PUM3: variants seen among roughly 807,000 people sequenced by gnomAD.
PUM3 encodes pumilio homolog 3.
Under a neutral mutation model 84.0 loss-of-function variants are expected in PUM3, and 91 were observed. That is an observed-to-expected ratio of 1.08 (90% CI 0.91 to 1.29). The LOEUF (loss-of-function observed/expected upper bound fraction) is 1.29. Among genes scored for constraint, PUM3 ranks in the 50% most tolerant of loss-of-function variants. PUM3 has a pLI of 0.00. For synonymous variants in PUM3, 321 were observed against 266.7 expected, an observed-to-expected ratio of 1.20 and a Z score of -1.98; for missense variants, 1,067 against 767.5, an observed-to-expected ratio of 1.39 and a Z score of -4.61.
Position 2,837,353 on chromosome 9 carries a change from C to A in PUM3, c.131G>T (p.Gly44Val). ...TFPTRKVAKEGGPKVTSRNFE... is the reference protein window; with the variant it reads ...TFPTRKVAKEVGPKVTSRNFE... ...GTTCCTAGATGTGACTTTAGGTCCA[C>A]CTTCTTTAGCAACTTTCCTTGTTGG... Residue 44 changes from glycine (G) to valine (V), a missense_variant, in exon 3 of 18, where the codon GGT (glycine) becomes GTT (valine). By Grantham distance (109) the Gly-to-Val change is moderately radical. Transcript: ENST00000397885. The A allele has an allele frequency of 6.2e-7, 1 of 1,613,852 alleles. No individual in the cohort carries two copies. Among genetic ancestry groups the A allele is most frequent in the Non-Finnish European group, 8.5e-7 (1 of 1,179,844 alleles).
At chr9:2,805,403 C>T (rs1335822626) in intron 17 of PUM3, among the ~76,000 whole-genome samples, 1 of 152,108 alleles carries the variant, frequency 6.6e-6, no homozygotes, top group Non-Finnish European at 1.5e-5. Context: ...TCTTCTTTTT[C>T]GGGACCCTTT....
At chr9:2,806,782 C>T (rs1225640853) in intron 17 of PUM3, among the ~76,000 whole-genome samples, 1 of 152,182 alleles carries the variant, frequency 6.6e-6, no homozygotes, top group Non-Finnish European at 1.5e-5. Context: ...AAATAGCACA[C>T]ACACTTCAGT....
rs564553096 is a variant in PUM3, at chr9:2,826,721, AT to A, written c.1035+351del. On this transcript the variant is annotated intron_variant, in intron 10 of 17. Coordinates refer to ENST00000397885, the MANE Select transcript of PUM3 (RefSeq NM_014878.5). ...CCTCTAACCTTTTAATGCCAAGCTAATTTTTTTTTTGTATTAGCACAGTTGA... is the reference window on the plus strand; with the variant it reads ...CCTCTAACCTTTTAATGCCAAGCTAATTTTTTTTTGTATTAGCACAGTTGA... Among the ~76,000 whole-genome samples, 570 of 150,022 alleles carry A rather than the reference AT, an allele frequency of 3.8e-3. 2 individuals are homozygous for A. The highest frequency in any genetic ancestry group is 6.8e-3 in the Non-Finnish European group (457 of 67,246).
chr9:2,817,041 A>G (rs566331305), intron 13 of PUM3, among the ~76,000 whole-genome samples: 1 of 152,346 alleles, frequency 6.6e-6, no homozygotes, highest in East Asian at 1.9e-4. Context: ...CTATATAAAC[A>G]TACATGCAGC....
At chr9:2,819,078 G>A (rs917548330) in intron 13 of PUM3, among the ~76,000 whole-genome samples, 1 of 152,306 alleles carries the variant, frequency 6.6e-6, no homozygotes, top group Non-Finnish European at 1.5e-5. Flanking sequence ...ATTTTCAGAT[G>A]AATAACCTAT....
chr9:2,843,770 G>A (rs947129054), intron 1 of PUM3, among the ~76,000 whole-genome samples: 12 of 151,812 alleles, frequency 7.9e-5, no homozygotes, highest in African/African-American at 1.9e-4. Context: ...AGTAGAGACG[G>A]GGTTTCACCG....
intron 12 of PUM3, among the ~76,000 whole-genome samples, chr9:2,820,331 T>C (rs75365907): frequency 6.6e-6 from 1 of 151,330 alleles, no homozygotes; most frequent in African/African-American, 2.4e-5. Flanking sequence ...GTAAGGTTGA[T>C]TTTTTTTTAA....
At position 2,821,424 on chromosome 9, in the gene PUM3, A is replaced by T. The variant is rs374253516; in HGVS notation, c.1189-1326T>A. ...GCGCCACGGCACTCCAGCCTGGGCG[A>T]CAGAGCAAGACTCTGTCTCAAAAAA... is the stretch of plus-strand genomic sequence containing the variant. On this transcript the variant is annotated intron_variant, in intron 12 of 17. Coordinates refer to ENST00000397885, the MANE Select transcript of PUM3 (RefSeq NM_014878.5). 8.9e-5 allele frequency among the ~76,000 whole-genome samples: 11 copies of T among 123,468 alleles called. No individual in the cohort carries two copies. The East Asian group carries it at 2.0e-3, about 22-fold the overall frequency. The allele number at this position is 123,468 out of a possible 152,430, so 81.0% of individuals were successfully genotyped here. A position where few individuals can be genotyped will look rare whatever the true frequency, so the allele number is the denominator to read the frequency against.
rs892082289 is a variant in PUM3 at position 2,820,082 on chromosome 9, A to C, written c.1205T>G (p.Leu402Trp). 17 of 1,611,786 alleles carry C rather than the reference A, an allele frequency of 1.1e-5. No individual in the cohort carries two copies. The highest frequency in any genetic ancestry group is 1.2e-5 in the Non-Finnish European group (14 of 1,178,246). ...EKVANGQYSHLVLLAAFDCID... is the reference protein window; with the variant it reads ...EKVANGQYSHWVLLAAFDCID... ...ACAATCAAATGCCGCCAGTAAAACCAAATGGGAGTATTGGCCCTGCAAGAA... is the reference window on the plus strand; with the variant it reads ...ACAATCAAATGCCGCCAGTAAAACCCAATGGGAGTATTGGCCCTGCAAGAA... The change falls in exon 13 of 18, where the codon TTG (leucine) becomes TGG (tryptophan). Residue 402 changes from leucine (L) to tryptophan (W), a missense_variant. By Grantham distance (61) the Leu-to-Trp change is moderately conservative. Coordinates refer to ENST00000397885, the MANE Select transcript of PUM3 (RefSeq NM_014878.5).
intron 12 of PUM3, among the ~76,000 whole-genome samples, chr9:2,820,321 G>T (rs893560835): frequency 2.6e-5 from 4 of 151,864 alleles, no homozygotes; most frequent in Non-Finnish European, 5.9e-5. Context: ...TATTCTAGAG[G>T]TAAGGTTGAT....
chr9:2,827,059 A>C lies in PUM3; in HGVS notation c.1035+14T>G. On this transcript the variant is annotated intron_variant, in intron 10 of 17. Coordinates refer to ENST00000397885, the MANE Select transcript of PUM3 (RefSeq NM_014878.5). Reference sequence around the variant, plus strand: ...CTCCATGTTTTAGTTTAAAAACAAAAACCAAGAACTTACTGATCTGAGTTT... The same window carrying C: ...CTCCATGTTTTAGTTTAAAAACAAACACCAAGAACTTACTGATCTGAGTTT... The C allele has an allele frequency of 6.2e-7, 1 of 1,602,482 alleles. No individual in the cohort carries two copies. The highest frequency in any genetic ancestry group is 8.5e-7 in the Non-Finnish European group (1 of 1,175,092).
Position 2,811,472 on chromosome 9 carries a change from A to T in PUM3, c.1524T>A (p.Cys508Ter). 6.2e-7 allele frequency: 1 copy of T among 1,614,114 alleles called. No individual in the cohort carries two copies. The highest frequency in any genetic ancestry group is 8.5e-7 in the Non-Finnish European group (1 of 1,180,026). The change falls in exon 15 of 18, where the codon TGT becomes TGA. Residue 508 changes from cysteine (C) to a stop codon, truncating the protein, a stop_gained. Coordinates refer to ENST00000397885, the MANE Select transcript of PUM3 (RefSeq NM_014878.5). LOFTEE classifies it high-confidence loss of function. ...ATCCCAGAATGTCAGACACCAACAC[A>T]CACGCAGACTTATCTAGCACCACTT... ...AQEVVLDKSA[C>*]VLVSDILGSA...
chr9:2,811,805 AG>A, intron 14 of PUM3, among the ~76,000 whole-genome samples: 1 of 151,356 alleles, frequency 6.6e-6, no homozygotes, highest in South Asian at 2.1e-4. Flanking sequence ...GCACAGAACA[AG>A]GGCTCAATAA....
At chr9:2,805,344 T>C (rs2129775554) in intron 17 of PUM3, among the ~76,000 whole-genome samples, 1 of 152,342 alleles carries the variant, frequency 6.6e-6, no homozygotes. Flanking sequence ...TCTCTGTGGA[T>C]AGGACCTACA....
At chr9:2,838,649 G>A in intron 1 of PUM3, 132 bp from the exon 2 acceptor site, 1 of 584,824 alleles carries the variant, frequency 1.7e-6, no homozygotes, top group South Asian at 2.4e-5. Context: ...ATATAGAATG[G>A]ACAAGTACTT....
chr9:2,828,142 T>C (rs777555862), intron 9 of PUM3, among the ~76,000 whole-genome samples: 1 of 152,148 alleles, frequency 6.6e-6, no homozygotes, highest in African/African-American at 2.4e-5. Flanking sequence ...TGGGCTCCAG[T>C]GAGCCTCCTG....
Position 2,837,238 on chromosome 9 carries a change from G to C in PUM3, c.246C>G (p.Phe82Leu). ...QQGDKSPKNK[F>L]QPANKFNKKR... The stretch of plus-strand genomic sequence containing the variant: ...TCTTGTTGAATTTATTTGCCGGCTG[G>C]AATTTGTTCTTTGGTGATTTGTCCC... The change falls in exon 3 of 18, where the codon TTC (phenylalanine) becomes TTG (leucine). Residue 82 changes from phenylalanine (F) to leucine (L), a missense_variant. By Grantham distance (22) the Phe-to-Leu change is conservative. Coordinates refer to ENST00000397885, the MANE Select transcript of PUM3 (RefSeq NM_014878.5). 1 of 1,614,068 alleles carries C rather than the reference G, an allele frequency of 6.2e-7. No individual in the cohort carries two copies. Among genetic ancestry groups the C allele is most frequent in the Non-Finnish European group, 8.5e-7 (1 of 1,179,972 alleles).
At chr9:2,832,877 G>C (rs112245322) in intron 5 of PUM3, among the ~76,000 whole-genome samples, 1 of 152,248 alleles carries the variant, frequency 6.6e-6, no homozygotes, top group African/African-American at 2.4e-5. Flanking sequence ...TACAAAACAG[G>C]ATTAAGCAGC....
chr9:2,807,292 G>C (rs1228757048), intron 17 of PUM3, among the ~76,000 whole-genome samples: 1 of 151,790 alleles, frequency 6.6e-6, no homozygotes, highest in African/African-American at 2.4e-5. Flanking sequence ...TTGTCAAAAA[G>C]ATGGTAGTTT....
Sources: gnomAD v4.1 joint callset for allele counts (sites outside exome capture counted in the v4.1 genomes callset) on GRCh38, gnomAD v4.1.1 for gene constraint, MANE v1.5 for transcripts, NCBI Gene and HGNC (gene_info 2026-07-23, HGNC 2026-07-21) for gene names.